The following CNTN4 variants were observed in gnomAD, a reference collection of about 807,000 sequenced individuals.
CNTN4 encodes the protein contactin-4.
Under a neutral mutation model 122.5 loss-of-function variants are expected in CNTN4, and 77 were observed. That is an observed-to-expected ratio of 0.63 (90% CI 0.52 to 0.76). The LOEUF (loss-of-function observed/expected upper bound fraction) is 0.76, where lower values mean the gene tolerates loss of function less well. Ranked by LOEUF, CNTN4 falls within the 30% of genes least tolerant of loss-of-function variation. The pLI, the probability that CNTN4 is intolerant of heterozygous loss-of-function variation, is 0.00. For synonymous variants in CNTN4, 512 were observed against 447.0 expected (o/e 1.15, Z -1.83); for missense variants, 1,256 against 1,259.1 (o/e 1.00, Z 0.04).
chr3:2,219,683 A>G (rs181549807), intron 2 of CNTN4, among the ~76,000 whole-genome samples: 156 of 152,282 alleles, frequency 1.0e-3, no homozygotes, highest in African/African-American at 3.4e-3. Context: ...TTTAATTATG[A>G]CAAGGTAATT....
In CNTN4 at chr3:2,372,582, A is replaced by T. The variant is rs530785629; in HGVS notation, c.-89+33349A>T. ...AAATGTGAGTTTATAAAGGAAAGCA[A>T]TGTTTCCAAGTAAATTCATTGTCTT... On this transcript the variant is annotated intron_variant, in intron 3 of 24. Transcript: ENST00000418658. 2.0e-5 allele frequency among the ~76,000 whole-genome samples: 3 copies of T among 152,210 alleles called. No individual in the cohort carries two copies. The East Asian group carries it at 5.8e-4, about 29-fold the overall frequency.
intron 6 of CNTN4, among the ~76,000 whole-genome samples, chr3:2,786,425 T>A (rs1269240846): frequency 1.3e-5 from 2 of 152,204 alleles, no homozygotes; most frequent in African/African-American, 4.8e-5. Flanking sequence ...GAAGTGCTTG[T>A]CCCAGCCTCT....
chr3:2,653,019 A>G (rs1440415968), intron 4 of CNTN4, among the ~76,000 whole-genome samples: 3 of 152,098 alleles, frequency 2.0e-5, no homozygotes, highest in Admixed American at 1.3e-4. Flanking sequence ...GTTGGTGTTC[A>G]TGCTGGGTAA....
In CNTN4 at chr3:2,910,219, G is replaced by A. The variant is rs113774956; in HGVS notation, c.1207+7214G>A. ...GACATTGAAAGCTGATAAATATTAT[G>A]ATAAATATTATGATCATCCCTTACA... On this transcript the variant is annotated intron_variant, in intron 12 of 24. Coordinates refer to ENST00000418658, the MANE Select transcript of CNTN4 (RefSeq NM_175607.3). 4.9e-3 allele frequency among the ~76,000 whole-genome samples: 744 copies of A among 152,280 alleles called. 1 individual carries two copies. Among genetic ancestry groups the A allele is most frequent in the Non-Finnish European group, 8.8e-3 (600 of 68,012 alleles).
chr3:2,724,673 G>A (rs1324655312), intron 4 of CNTN4, among the ~76,000 whole-genome samples: 1 of 152,194 alleles, frequency 6.6e-6, no homozygotes, highest in Non-Finnish European at 1.5e-5. Context: ...AGGAGCTGCG[G>A]TGCATATAAC....
chr3:2,391,460 G>A (rs2046439496), intron 3 of CNTN4, among the ~76,000 whole-genome samples: 2 of 152,134 alleles, frequency 1.3e-5, no homozygotes, highest in Non-Finnish European at 2.9e-5. Context: ...GGTATTATAT[G>A]AAGAATACAA....
chr3:2,638,760 G>A (rs1041828736), intron 4 of CNTN4, among the ~76,000 whole-genome samples: 8 of 152,082 alleles, frequency 5.3e-5, no homozygotes, highest in African/African-American at 1.9e-4. Context: ...ACCTGCACAT[G>A]TCCCCATTTC....
At chr3:2,905,506 AGGGCTTCACCTCATAG>A (rs1007315260) in intron 12 of CNTN4, among the ~76,000 whole-genome samples, 7 of 152,182 alleles carry the variant, frequency 4.6e-5, no homozygotes, top group Admixed American at 2.0e-4. Context: ...ACCCTTATGA[AGGGCTTCACCTCATAG>A]GGGCTTCACC....
chr3:2,352,542 G>A (rs1284374803), intron 3 of CNTN4, among the ~76,000 whole-genome samples: 2 of 152,152 alleles, frequency 1.3e-5, no homozygotes, highest in African/African-American at 4.8e-5. Flanking sequence ...CTGGGCCAAC[G>A]GGCGGAGGGG....
chr3:2,522,827 T>A (rs946302314), intron 3 of CNTN4, among the ~76,000 whole-genome samples: 2 of 152,088 alleles, frequency 1.3e-5, no homozygotes, highest in Non-Finnish European at 2.9e-5. Flanking sequence ...ATTTCCCAAC[T>A]GAGGAATTCT....
chr3:2,397,506 C>G (rs982478229), intron 3 of CNTN4, among the ~76,000 whole-genome samples: 4 of 151,150 alleles, frequency 2.6e-5, no homozygotes, highest in Non-Finnish European at 5.9e-5. Context: ...TTTTTTTTAG[C>G]AGTTTCTGGA....
intron 2 of CNTN4, among the ~76,000 whole-genome samples, chr3:2,170,324 C>G (rs887512499): frequency 2.0e-5 from 3 of 151,160 alleles, no homozygotes; most frequent in East Asian, 1.9e-4. Flanking sequence ...CGTCTCAAAA[C>G]AAAAAAACAA....
intron 3 of CNTN4, among the ~76,000 whole-genome samples, chr3:2,458,491 A>G (rs1478532274): frequency 6.6e-6 from 1 of 152,120 alleles, no homozygotes; most frequent in Non-Finnish European, 1.5e-5. Flanking sequence ...ATCTTCATTA[A>G]GTTTAAAGAT....
At chr3:2,195,025 C>G (rs560457664) in intron 2 of CNTN4, among the ~76,000 whole-genome samples, 2 of 152,080 alleles carry the variant, frequency 1.3e-5, no homozygotes, top group Non-Finnish European at 2.9e-5. Flanking sequence ...TATTCTTCCT[C>G]CAGTCTATCT....
rs146377611 is a variant in CNTN4 at position 2,663,309 on chromosome 3, G to C, written c.56-72906G>C. 5.2e-4 allele frequency among the ~76,000 whole-genome samples: 79 copies of C among 152,296 alleles called. No homozygotes were observed. In the South Asian group the frequency reaches 8.3e-3, roughly 16 times the overall value. ...GAGCTAACAAGTAATTGATGGCATA[G>C]AATAGGGATGGATTCAAGAAGTACT... On this transcript the variant is annotated intron_variant, in intron 4 of 24. Coordinates refer to ENST00000418658, the MANE Select transcript of CNTN4 (RefSeq NM_175607.3).
chr3:2,742,220 C>G (rs970258393), intron 5 of CNTN4, among the ~76,000 whole-genome samples: 114 of 152,190 alleles, frequency 7.5e-4, no homozygotes, highest in African/African-American at 2.6e-3. Flanking sequence ...CCGCAACTGA[C>G]CTCTCTTCTT....
At chr3:2,731,074 C>T (rs533505818) in intron 4 of CNTN4, among the ~76,000 whole-genome samples, 1 of 150,672 alleles carries the variant, frequency 6.6e-6, no homozygotes, top group South Asian at 2.1e-4. Flanking sequence ...CATTTTTATT[C>T]TGTAACCTAG....
At chr3:2,231,877 A>T (rs1346239580) in intron 2 of CNTN4, among the ~76,000 whole-genome samples, 1 of 152,062 alleles carries the variant, frequency 6.6e-6, no homozygotes, top group Non-Finnish European at 1.5e-5. Flanking sequence ...GGATTTTGGT[A>T]TTTTTTCTTA....
chr3:2,219,479 C>T (rs1192685540), intron 2 of CNTN4, among the ~76,000 whole-genome samples: 2 of 152,082 alleles, frequency 1.3e-5, no homozygotes, highest in Non-Finnish European at 2.9e-5. Flanking sequence ...TTGGATTTTT[C>T]AGGCCATTGC....
Sources: allele counts gnomAD v4.1 joint callset (sites outside exome capture counted in the v4.1 genomes callset), GRCh38; gene constraint gnomAD v4.1.1; transcripts MANE v1.5; gene names NCBI Gene and HGNC (gene_info 2026-07-23, HGNC 2026-07-21).